BBOX1: variants seen among roughly 807,000 people sequenced by gnomAD.
BBOX1 encodes the protein gamma-butyrobetaine hydroxylase 1.
Under a neutral mutation model 41.6 loss-of-function variants are expected in BBOX1, and 35 were observed. That is an observed-to-expected ratio of 0.84 (90% CI 0.64 to 1.11). The LOEUF (loss-of-function observed/expected upper bound fraction) is 1.11. BBOX1 is among the 50% of genes most tolerant of loss of function. BBOX1 has a pLI of 0.00. For synonymous variants in BBOX1, 163 were observed against 154.7 expected (o/e 1.05, Z -0.40); for missense variants, 458 against 460.6 (o/e 0.99, Z 0.05).
chr11:27,097,680 T>A (rs1590209941), intron 5 of BBOX1, among the ~76,000 whole-genome samples: 1 of 152,136 alleles, frequency 6.6e-6, no homozygotes, highest in African/African-American at 2.4e-5. Flanking sequence ...GCATTCCAAC[T>A]GAGGGAACAT....
At chr11:27,048,532 TGATA>T (rs59647951) in intron 2 of BBOX1, among the ~76,000 whole-genome samples, 70,967 of 150,156 alleles carry the variant, frequency 0.47, 17,289 homozygotes, top group East Asian at 0.63. Flanking sequence ...GATAGATAGA[TGATA>T]GATAGATAGA....
intron 5 of BBOX1, among the ~76,000 whole-genome samples, chr11:27,113,879 A>G (rs1387963288): frequency 6.6e-6 from 1 of 151,790 alleles, no homozygotes; most frequent in Non-Finnish European, 1.5e-5. Context: ...CACCATTGAG[A>G]TTCAACATCG....
intron 7 of BBOX1, among the ~76,000 whole-genome samples, chr11:27,123,429 G>T (rs1335324776): frequency 6.6e-6 from 1 of 152,130 alleles, no homozygotes; most frequent in Non-Finnish European, 1.5e-5. Context: ...TATGGTAATA[G>T]TGGAAGAAAA....
At chr11:27,064,161 G>T (rs1857214690) in intron 4 of BBOX1, among the ~76,000 whole-genome samples, 1 of 151,518 alleles carries the variant, frequency 6.6e-6, no homozygotes, top group African/African-American at 2.4e-5. Context: ...TTTCACTATT[G>T]TTTGGTAATT....
At chr11:27,117,840 T>C (rs1272539998) in intron 6 of BBOX1, among the ~76,000 whole-genome samples, 1 of 151,896 alleles carries the variant, frequency 6.6e-6, no homozygotes, top group Non-Finnish European at 1.5e-5. Context: ...TCCTTTAAGG[T>C]AGACAAGATT....
intron 4 of BBOX1, among the ~76,000 whole-genome samples, chr11:27,066,935 T>C (rs900265785): frequency 9.9e-5 from 15 of 152,176 alleles, no homozygotes; most frequent in Admixed American, 9.2e-4. Flanking sequence ...AATAAGAAAG[T>C]AGGGCACTGA....
intron 2 of BBOX1, among the ~76,000 whole-genome samples, chr11:27,049,865 C>G (rs1851616322): frequency 6.6e-6 from 1 of 152,090 alleles, no homozygotes; most frequent in Non-Finnish European, 1.5e-5. Context: ...TCAATACCAT[C>G]TCATTTGTTT....
intron 4 of BBOX1, among the ~76,000 whole-genome samples, chr11:27,083,199 A>G (rs1332725701): frequency 6.6e-6 from 1 of 152,186 alleles, no homozygotes; most frequent in African/African-American, 2.4e-5. Flanking sequence ...AGTCATCATT[A>G]GGAAATAAAC....
At chr11:27,079,961 G>A (rs190665702) in intron 4 of BBOX1, among the ~76,000 whole-genome samples, 4 of 152,048 alleles carry the variant, frequency 2.6e-5, no homozygotes, top group Middle Eastern at 3.4e-3. Context: ...CTGTTAACCC[G>A]CTGTCCGCAC....
At chr11:27,118,946 C>T (rs891710623) in intron 6 of BBOX1, among the ~76,000 whole-genome samples, 1 of 151,176 alleles carries the variant, frequency 6.6e-6, no homozygotes, top group African/African-American at 2.4e-5. Flanking sequence ...AAAACATAAT[C>T]CTATGTAACA....
intron 4 of BBOX1, among the ~76,000 whole-genome samples, chr11:27,071,583 G>T (rs1449406900): frequency 1.3e-5 from 2 of 151,986 alleles, no homozygotes; most frequent in African/African-American, 4.8e-5. Flanking sequence ...GTTCTCATAA[G>T]ATCTATGGTT....
At chr11:27,073,461 G>T (rs1564964445) in intron 4 of BBOX1, among the ~76,000 whole-genome samples, 1 of 149,516 alleles carries the variant, frequency 6.7e-6, no homozygotes, top group Non-Finnish European at 1.5e-5. Flanking sequence ...TACACTGTTG[G>T]TGGGACTGTA....
chr11:27,095,124 A>G (rs1002820217), intron 5 of BBOX1, among the ~76,000 whole-genome samples: 1 of 151,992 alleles, frequency 6.6e-6, no homozygotes, highest in Non-Finnish European at 1.5e-5. Flanking sequence ...CCTTGCTGTC[A>G]ATAATATGAA....
At chr11:27,125,576 T>G in intron 7 of BBOX1, 78 bp from the exon 8 acceptor site, 1 of 1,212,972 alleles carries the variant, frequency 8.2e-7, no homozygotes, top group Non-Finnish European at 1.1e-6. Flanking sequence ...AAAAATATAT[T>G]TGAAGAGGAA....
At chr11:27,106,615 T>C (rs1564983562) in intron 5 of BBOX1, among the ~76,000 whole-genome samples, 1 of 152,090 alleles carries the variant, frequency 6.6e-6, no homozygotes, top group Non-Finnish European at 1.5e-5. Context: ...CAAAGAGACT[T>C]AGTCTCCCAC....
intron 2 of BBOX1, among the ~76,000 whole-genome samples, chr11:27,043,476 T>TTTGGGGTAC (rs1851402599): frequency 1.3e-5 from 2 of 152,126 alleles, no homozygotes; most frequent in Admixed American, 6.5e-5. Context: ...AATGTGCAGG[T>TTTGGGGTAC]ATACACATGC....
rs117940796 is a variant in BBOX1 at position 27,122,055 on chromosome 11, C to T, written c.836+2210C>T. On this transcript the variant is annotated intron_variant, in intron 7 of 8. Transcript: ENST00000263182. Reference sequence around the variant, plus strand: ...TTCAACAACAGGAAATGAAACAGAGCGTTCTCAGTTAACAGAGGGCCTCCA... The same window carrying T: ...TTCAACAACAGGAAATGAAACAGAGTGTTCTCAGTTAACAGAGGGCCTCCA... Among the ~76,000 whole-genome samples, 144 of 152,186 alleles carry T rather than the reference C, an allele frequency of 9.5e-4. No individual in the cohort carries two copies. In the East Asian group the frequency reaches 0.016, roughly 17 times the overall value.
chr11:27,070,883 G>A (rs77646385), intron 4 of BBOX1, among the ~76,000 whole-genome samples: 9 of 151,840 alleles, frequency 5.9e-5, no homozygotes, highest in Admixed American at 1.3e-4. Context: ...TGAGTTTTAC[G>A]CTTTCAAGAG....
chr11:27,059,839 G>A (rs777597786), intron 4 of BBOX1, among the ~76,000 whole-genome samples: 2 of 152,160 alleles, frequency 1.3e-5, no homozygotes, highest in South Asian at 2.1e-4. Flanking sequence ...CTTTTGTAAT[G>A]AGAATGATTA....
Sources: gnomAD v4.1 joint callset for allele counts (sites outside exome capture counted in the v4.1 genomes callset) on GRCh38, gnomAD v4.1.1 for gene constraint, MANE v1.5 for transcripts, NCBI Gene and HGNC (gene_info 2026-07-23, HGNC 2026-07-21) for gene names.